Variants in CADM2 observed in about 807,000 individuals in gnomAD.
CADM2 encodes the protein cell adhesion molecule 2.
A neutral mutation model predicts 49.8 loss-of-function variants in CADM2; 12 were observed. The ratio of observed to expected loss-of-function variants is 0.24; its 90% CI spans 0.15 to 0.39. The LOEUF is 0.39. Ranked by LOEUF, CADM2 falls within the 10% of genes least tolerant of loss-of-function variation. The pLI, the probability that CADM2 is intolerant of heterozygous loss-of-function variation, is 1.00. For synonymous variants in CADM2, 214 were observed against 175.4 expected, an observed-to-expected ratio of 1.22 and a Z score of -1.74; for missense variants, 378 against 492.3, an observed-to-expected ratio of 0.77 and a Z score of 2.20.
intron 1 of CADM2, among the ~76,000 whole-genome samples, chr3:85,707,099 T>C (rs1201456413): frequency 5.3e-5 from 8 of 152,106 alleles, no homozygotes; most frequent in Admixed American, 5.2e-4. Flanking sequence ...CCCAAGTAGC[T>C]GGGACTACAG....
chr3:85,378,299 A>G (rs1469372836), intron 1 of CADM2, among the ~76,000 whole-genome samples: 4 of 151,968 alleles, frequency 2.6e-5, no homozygotes, highest in Non-Finnish European at 4.4e-5. Flanking sequence ...ATCTTCCTCA[A>G]GGACGCAAAA....
intron 1 of CADM2, among the ~76,000 whole-genome samples, chr3:85,162,729 T>A (rs1163301925): frequency 1.3e-5 from 2 of 151,978 alleles, no homozygotes; most frequent in African/African-American, 4.8e-5. Context: ...TTACATGGAA[T>A]TTAATCTTGG....
At chr3:85,178,570 G>A (rs2107699125) in intron 1 of CADM2, among the ~76,000 whole-genome samples, 1 of 151,870 alleles carries the variant, frequency 6.6e-6, no homozygotes, top group East Asian at 1.9e-4. Context: ...GATTCTGGAG[G>A]TACTGAATAA....
chr3:85,949,167 AT>A, intron 7 of CADM2, among the ~76,000 whole-genome samples: 1 of 151,480 alleles, frequency 6.6e-6, no homozygotes, highest in East Asian at 1.9e-4. Flanking sequence ...ATTGTGGCTT[AT>A]TAATGAGTTA....
At chr3:85,983,022 A>G (rs1727662820) in intron 8 of CADM2, among the ~76,000 whole-genome samples, 1 of 151,770 alleles carries the variant, frequency 6.6e-6, no homozygotes, top group Admixed American at 6.6e-5. Context: ...AAATGATCAC[A>G]AATAAATCAC....
intron 1 of CADM2, among the ~76,000 whole-genome samples, chr3:84,976,411 T>A (rs1016643806): frequency 6.6e-6 from 1 of 151,626 alleles, no homozygotes; most frequent in African/African-American, 2.4e-5. Context: ...TTTAAATAAA[T>A]TAAATAAAGC....
At chr3:85,479,481 T>C (rs182267517) in intron 1 of CADM2, among the ~76,000 whole-genome samples, 300 of 151,900 alleles carry the variant, frequency 2.0e-3, no homozygotes, top group Middle Eastern at 6.8e-3. Context: ...ATTAGAGAAA[T>C]AATAGGTTCA....
At chr3:85,195,967 C>T (rs1024930122) in intron 1 of CADM2, among the ~76,000 whole-genome samples, 2 of 151,946 alleles carry the variant, frequency 1.3e-5, no homozygotes, top group African/African-American at 4.8e-5. Flanking sequence ...CAAAATTAAT[C>T]AGACAATTTA....
At chr3:85,921,331 C>T (rs921345771) in intron 6 of CADM2, among the ~76,000 whole-genome samples, 1 of 151,922 alleles carries the variant, frequency 6.6e-6, no homozygotes, top group African/African-American at 2.4e-5. Flanking sequence ...CACACACACA[C>T]AGACATACAC....
intron 1 of CADM2, among the ~76,000 whole-genome samples, chr3:85,083,276 G>T (rs933072179): frequency 6.6e-6 from 1 of 152,018 alleles, no homozygotes; most frequent in East Asian, 1.9e-4. Flanking sequence ...TTGTGAAAAC[G>T]GTGTTGCCCA....
At chr3:85,604,880 A>T (rs1452005668) in intron 1 of CADM2, among the ~76,000 whole-genome samples, 2 of 151,960 alleles carry the variant, frequency 1.3e-5, no homozygotes, top group African/African-American at 4.8e-5. Flanking sequence ...CGCTTATATC[A>T]TCATATAATA....
rs570376609 is a variant in CADM2, at chr3:86,073,556, G to T, written c.*6773G>T. 3 of 151,900 alleles carry T rather than the reference G, an allele frequency of 2.0e-5. No individual in the cohort carries two copies. Among genetic ancestry groups the T allele is most frequent in the Non-Finnish European group, 4.4e-5 (3 of 67,826 alleles). The allele number at this position is 151,900 out of a possible 1,614,324, so 9.4% of individuals were successfully genotyped here. ...ACAACTCTTATAAACATTTTTACAG[G>T]GTTCCCATTTGCACTTCATCTTTCA... On this transcript the variant is annotated 3_prime_UTR_variant, in exon 10 of 10. Coordinates refer to ENST00000383699, the MANE Select transcript of CADM2 (RefSeq NM_001167675.2).
intron 1 of CADM2, 76 bp from the exon 2 acceptor site, chr3:85,726,446 C>T: frequency 6.7e-7 from 1 of 1,500,800 alleles, no homozygotes; most frequent in Non-Finnish European, 9.3e-7. Context: ...AATAACATCT[C>T]TGCTTTCTTA....
intron 8 of CADM2, among the ~76,000 whole-genome samples, chr3:86,036,194 GCCCACAGGAGA>G (rs1735134598): frequency 6.6e-6 from 1 of 152,024 alleles, no homozygotes; most frequent in African/African-American, 2.4e-5. Context: ...TTAAGTCTAT[GCCCACAGGAGA>G]ACTTATTTGT....
chr3:85,841,243 A>T (rs184672246), intron 3 of CADM2, among the ~76,000 whole-genome samples: 114 of 151,978 alleles, frequency 7.5e-4, no homozygotes, highest in Non-Finnish European at 1.3e-4. Flanking sequence ...ATATTTAAAA[A>T]CACTTTCAGT....
intron 1 of CADM2, among the ~76,000 whole-genome samples, chr3:85,597,468 T>A (rs1341828167): frequency 1.3e-5 from 2 of 152,142 alleles, no homozygotes; most frequent in Non-Finnish European, 2.9e-5. Context: ...ATCTTGCTTG[T>A]TTGTTTCATC....
intron 1 of CADM2, among the ~76,000 whole-genome samples, chr3:85,548,309 C>G (rs1211245621): frequency 1.4e-5 from 1 of 70,916 alleles, no homozygotes; most frequent in Admixed American, 1.8e-4. Context: ...TTTCATTGGG[C>G]TTGAGCTCTG....
intron 1 of CADM2, among the ~76,000 whole-genome samples, chr3:85,073,746 A>T (rs73843278): frequency 0.011 from 1,620 of 152,170 alleles, 37 homozygotes; most frequent in African/African-American, 0.037. Context: ...TGAAAATGAA[A>T]TTTTTTTCAT....
At chr3:85,778,452 T>G (rs2107982552) in intron 2 of CADM2, among the ~76,000 whole-genome samples, 1 of 152,244 alleles carries the variant, frequency 6.6e-6, no homozygotes, top group Non-Finnish European at 1.5e-5. Context: ...TGAATCATCA[T>G]GGGAGCAGTT....
Sources: allele counts gnomAD v4.1 joint callset (sites outside exome capture counted in the v4.1 genomes callset), GRCh38; gene constraint gnomAD v4.1.1; transcripts MANE v1.5; gene names NCBI Gene and HGNC (gene_info 2026-07-23, HGNC 2026-07-21).